Variants in WWC2 observed in about 807,000 individuals in gnomAD.
The protein encoded by WWC2 is WW and C2 domain containing 2, also known as protein WWC2.
Under a neutral mutation model 138.5 loss-of-function variants are expected in WWC2, and 101 were observed. The observed-to-expected ratio is 0.73, with a 90% confidence interval of 0.62 to 0.86. The LOEUF is 0.86. Ranked by LOEUF, WWC2 falls within the 40% of genes least tolerant of loss-of-function variation. The pLI is 0.00. For synonymous variants in WWC2, 558 were observed against 538.4 expected (o/e 1.04, Z -0.50); for missense variants, 1,420 against 1,419.4 (o/e 1.00, Z -0.01).
chr4:183,105,647 T>A (rs554305538), intron 1 of WWC2, among the ~76,000 whole-genome samples: 3 of 152,246 alleles, frequency 2.0e-5, no homozygotes, highest in South Asian at 4.1e-4. Flanking sequence ...TCCCAGCACT[T>A]TGGGAGGCCA....
intron 18 of WWC2, 39 bp downstream of exon 18, chr4:183,282,945 A>G: frequency 6.6e-7 from 1 of 1,521,458 alleles, no homozygotes; most frequent in African/African-American, 1.4e-5. Flanking sequence ...CTGATACCTT[A>G]CAGGCACCAT....
chr4:183,303,383 C>T (rs981706581), intron 21 of WWC2, among the ~76,000 whole-genome samples: 11 of 152,156 alleles, frequency 7.2e-5, no homozygotes, highest in African/African-American at 2.7e-4. Flanking sequence ...GTGTAAACAT[C>T]TCAGCCACCA....
chr4:183,156,340 T>C (rs1733804600), intron 1 of WWC2, among the ~76,000 whole-genome samples: 1 of 148,826 alleles, frequency 6.7e-6, no homozygotes, highest in Non-Finnish European at 1.5e-5. Context: ...GTTCTTTTTT[T>C]TTTTTTTTTT....
chr4:183,102,032 A>G (rs1743197153), intron 1 of WWC2, among the ~76,000 whole-genome samples: 1 of 152,248 alleles, frequency 6.6e-6, no homozygotes. Flanking sequence ...ACATAATTTC[A>G]TTCAACAGGT....
rs2111134704 is a variant in WWC2, at chr4:183,317,281, G to T, written c.*1552G>T. On this transcript the variant is annotated 3_prime_UTR_variant, in exon 23 of 23. Transcript: ENST00000403733. Reference sequence around the variant, plus strand: ...ATATTTTGGAAAGTTCATGTTATTGGAATTGAAGTTCAAATTAAGCAACTT... The same window carrying T: ...ATATTTTGGAAAGTTCATGTTATTGTAATTGAAGTTCAAATTAAGCAACTT... The T allele has an allele frequency of 6.6e-6, 1 of 152,216 alleles. No homozygotes were observed. The highest frequency in any genetic ancestry group is 1.9e-4 in the East Asian group (1 of 5,186). The allele number at this position is 152,216 out of a possible 1,614,324, so 9.4% of individuals were successfully genotyped here.
chr4:183,255,544 A>G (rs1391768218), intron 9 of WWC2, among the ~76,000 whole-genome samples: 1 of 152,222 alleles, frequency 6.6e-6, no homozygotes, highest in Non-Finnish European at 1.5e-5. Context: ...ACATATTATA[A>G]AATTTTATAT....
chr4:183,195,667 C>T (rs1367871459), intron 2 of WWC2, among the ~76,000 whole-genome samples: 1 of 152,148 alleles, frequency 6.6e-6, no homozygotes, highest in Non-Finnish European at 1.5e-5. Context: ...GAAATACAAA[C>T]AGATGGCATT....
chr4:183,152,426 G>C (rs1392736744), intron 1 of WWC2, among the ~76,000 whole-genome samples: 1 of 151,954 alleles, frequency 6.6e-6, no homozygotes, highest in Non-Finnish European at 1.5e-5. Context: ...TTGAACCCAG[G>C]AGGTGGAGGT....
At position 183,158,173 on chromosome 4, in the gene WWC2, A is replaced by T. The variant is rs568203252; in HGVS notation, c.132-35426A>T. On this transcript the variant is annotated intron_variant, in intron 1 of 22. Coordinates refer to ENST00000403733, the MANE Select transcript of WWC2 (RefSeq NM_024949.6). ...TTAGGGCTTATAGCAGAAACTTGAG[A>T]TATACAGTCAGTTCTGTTACAATGC... Among the ~76,000 whole-genome samples the T allele has an allele frequency of 4.7e-4, 72 of 152,198 alleles. 1 individual carries two copies. The South Asian group carries it at 0.014, about 29-fold the overall frequency.
At chr4:183,200,983 A>C (rs1461847114) in intron 2 of WWC2, among the ~76,000 whole-genome samples, 2 of 152,228 alleles carry the variant, frequency 1.3e-5, no homozygotes, top group African/African-American at 4.8e-5. Context: ...TGAAGACCAC[A>C]CATTTATGTT....
intron 2 of WWC2, among the ~76,000 whole-genome samples, chr4:183,205,778 T>C (rs1735430807): frequency 6.6e-6 from 1 of 152,168 alleles, no homozygotes; most frequent in South Asian, 2.1e-4. Flanking sequence ...CTGGATTCCC[T>C]AGATGTTCAC....
chr4:183,116,370 T>G lies in WWC2; in HGVS notation c.131+16748T>G, dbSNP rs373691059. 8.5e-5 allele frequency among the ~76,000 whole-genome samples: 13 copies of G among 152,330 alleles called. 1 individual carries two copies. Among genetic ancestry groups the G allele is most frequent in the African/African-American group, 2.9e-4 (12 of 41,570 alleles). On this transcript the variant is annotated intron_variant, in intron 1 of 22. Coordinates refer to ENST00000403733, the MANE Select transcript of WWC2 (RefSeq NM_024949.6). ...CTTGTTCACTACTGTATTCCAATGC[T>G]CAGCTTTGTGCAAGCTCTTAGTAAC...
rs188807830 is a variant in WWC2, at chr4:183,230,569, C to T, written c.523-9614C>T. The stretch of plus-strand genomic sequence containing the variant: ...GCGCACGCCTGTAATCCCAGCTATT[C>T]GGGAGGCTGAGGCAGGAGAATCGCT... On this transcript the variant is annotated intron_variant, in intron 4 of 22. Coordinates refer to ENST00000403733, the MANE Select transcript of WWC2 (RefSeq NM_024949.6). Among the ~76,000 whole-genome samples the T allele has an allele frequency of 8.3e-3, 1,260 of 152,094 alleles. 6 individuals carry two copies. Among genetic ancestry groups the T allele is most frequent in the Non-Finnish European group, 0.012 (829 of 67,968 alleles).
chr4:183,257,152 TG>T, intron 9 of WWC2, among the ~76,000 whole-genome samples: 1 of 152,340 alleles, frequency 6.6e-6, no homozygotes, highest in Non-Finnish European at 1.5e-5. Context: ...ATCTTAACAT[TG>T]CTCCTTGTTT....
At chr4:183,200,184 T>C (rs1481287228) in intron 2 of WWC2, among the ~76,000 whole-genome samples, 1 of 151,722 alleles carries the variant, frequency 6.6e-6, no homozygotes, top group Non-Finnish European at 1.5e-5. Flanking sequence ...AGACAAATGC[T>C]GATAGTTTAT....
chr4:183,191,465 C>T (rs2111206463), intron 1 of WWC2, among the ~76,000 whole-genome samples: 2 of 152,238 alleles, frequency 1.3e-5, no homozygotes, highest in South Asian at 2.1e-4. Flanking sequence ...TTTCCTCCTA[C>T]CCCCTTAAAA....
chr4:183,256,316 C>G (rs1737138226), intron 9 of WWC2, among the ~76,000 whole-genome samples: 1 of 152,212 alleles, frequency 6.6e-6, no homozygotes, highest in African/African-American at 2.4e-5. Context: ...CAGTAGTTCA[C>G]ATGTCCAGAA....
At chr4:183,112,460 C>T (rs1007340483) in intron 1 of WWC2, among the ~76,000 whole-genome samples, 1 of 152,204 alleles carries the variant, frequency 6.6e-6, no homozygotes, top group Admixed American at 6.5e-5. Flanking sequence ...ATTTGAAGGA[C>T]CTTTTCCTTC....
Position 183,319,580 on chromosome 4 carries a change from C to T in WWC2, c.*3851C>T, listed in dbSNP as rs772319025. The T allele has an allele frequency of 2.9e-5, 47 of 1,612,484 alleles. No individual in the cohort carries two copies. Among genetic ancestry groups the T allele is most frequent in the Middle Eastern group, 1.6e-4 (1 of 6,074 alleles). On this transcript the variant is annotated 3_prime_UTR_variant, in exon 23 of 23. Coordinates refer to ENST00000403733, the MANE Select transcript of WWC2 (RefSeq NM_024949.6). ...CTTAGTGTTTCAGGTTGGTGTTTCT[C>T]GTCTCCAGTTCTTGATGATGATCTT...
Sources: allele counts gnomAD v4.1 joint callset (sites outside exome capture counted in the v4.1 genomes callset), GRCh38; gene constraint gnomAD v4.1.1; transcripts MANE v1.5; gene names NCBI Gene and HGNC (gene_info 2026-07-23, HGNC 2026-07-21).